Variants in FRMD1 observed in about 807,000 individuals in gnomAD.
FRMD1 encodes FERM domain containing 1, also known as FERM domain-containing protein 1.
FRMD1 carries 51 observed loss-of-function variants against 54.9 expected under a neutral mutation model. The observed-to-expected ratio is 0.93, with a 90% CI of 0.74 to 1.17. The LOEUF is 1.17. Ranked by LOEUF, FRMD1 falls within the 50% of genes most tolerant of loss-of-function variation. The pLI is 0.00. For missense variants in FRMD1, 729 were observed against 743.0 expected, an observed-to-expected ratio of 0.98 and a Z score of 0.22; for synonymous variants, 324 against 306.4, an observed-to-expected ratio of 1.06 and a Z score of -0.60.
At chr6:168,081,566 G>A, upstream of FRMD1, 1 of 1,455,908 alleles carries the variant, frequency 6.9e-7, no homozygotes, top group Non-Finnish European at 9.1e-7. Flanking sequence ...ATAGAGGCCT[G>A]CTGAGAACAT....
intron 1 of FRMD1, among the ~76,000 whole-genome samples, chr6:168,087,823 C>T (rs926749410): frequency 7.2e-5 from 11 of 152,200 alleles, no homozygotes; most frequent in African/African-American, 9.7e-5. Context: ...TCCCCAAGGA[C>T]GCTGACCTCA....
At position 168,079,136 on chromosome 6, in the gene FRMD1, G is replaced by T; in HGVS notation, c.-42C>A. 6.5e-7 allele frequency: 1 copy of T among 1,546,900 alleles called. No homozygotes were observed. The highest frequency in any genetic ancestry group is 8.7e-7 in the Non-Finnish European group (1 of 1,151,384). On this transcript the variant is annotated 5_prime_UTR_variant, in exon 1 of 11. Transcript: ENST00000283309. The stretch of plus-strand genomic sequence containing the variant: ...CCTCCCCCGCCATGGGTCGCAGGTG[G>T]GTGCTCAGCACCTCCCAGATCACAG...
chr6:168,062,813 CA>C (rs1799821111), intron 7 of FRMD1, 80 bp downstream of exon 7: 1 of 1,604,748 alleles, frequency 6.2e-7, no homozygotes. Flanking sequence ...GGATGCTACA[CA>C]GCCCAGACTC....
intron 2 of FRMD1, among the ~76,000 whole-genome samples, chr6:168,068,945 C>G (rs561952369): frequency 6.6e-6 from 1 of 152,242 alleles, no homozygotes; most frequent in Non-Finnish European, 1.5e-5. Context: ...GTACCTGGCT[C>G]TTCTAGACGG....
At chr6:168,081,219 C>G (rs59961338), upstream of FRMD1, 75,913 of 799,338 alleles carry the variant, frequency 0.095, 3,691 homozygotes, top group East Asian at 0.16. Context: ...CAAGGGTGGT[C>G]GCCATGAGTA....
At position 168,059,464 on chromosome 6, in the gene FRMD1, C is replaced by T. The variant is rs1799602102; in HGVS notation, c.1343-276G>A. Among the ~76,000 whole-genome samples, 1 of 152,206 alleles carries T rather than the reference C, an allele frequency of 6.6e-6. No individual in the cohort carries two copies. Among genetic ancestry groups the T allele is most frequent in the Admixed American group, 6.5e-5 (1 of 15,284 alleles). On this transcript the variant is annotated intron_variant, in intron 9 of 10. Coordinates refer to ENST00000283309, the MANE Select transcript of FRMD1 (RefSeq NM_024919.6). This position sits in a 1 kb window ranked among gnomAD's most constrained non-coding sequence, Gnocchi z 4.4. ...ATACATCCTCAGAGATGGAGGCCAA[C>T]CATCCCTTCCTGGTGGACCAGACAC...
In FRMD1 at chr6:168,061,874, G is replaced by C; in HGVS notation, c.978C>G (p.Ala326=). Residue 326 remains alanine (A), a synonymous_variant, in exon 8 of 11, where the codon GCC becomes GCG. Transcript: ENST00000283309. ...RSRHLLHLLR[A]SHQLHLRVRP... ...GCACGCGGAGGTGGAGCTGGTGGCT[G>C]GCGCGCAGCAGGTGCAGCAGGTGCC... 6.3e-7 allele frequency: 1 copy of C among 1,587,242 alleles called. No individual in the cohort carries two copies. The highest frequency in any genetic ancestry group is 8.6e-7 in the Non-Finnish European group (1 of 1,168,222).
rs1562398290 is a variant in FRMD1 at position 168,053,795 on chromosome 6, C to T, written c.*3302G>A. On this transcript the variant is annotated 3_prime_UTR_variant, in exon 11 of 11. Coordinates refer to ENST00000283309, the MANE Select transcript of FRMD1 (RefSeq NM_024919.6). ...GACGGGCTGATGCTCGGCTTGGGAACCACCTCTCCTGTGAGATCCCAGACA... is the reference window on the plus strand; with the variant it reads ...GACGGGCTGATGCTCGGCTTGGGAATCACCTCTCCTGTGAGATCCCAGACA... 6.6e-6 allele frequency: 1 copy of T among 152,292 alleles called. No homozygotes were observed. The highest frequency in any genetic ancestry group is 2.4e-5 in the African/African-American group (1 of 41,474). The allele number at this position is 152,292 out of a possible 1,614,324, so 9.4% of individuals were successfully genotyped here.
Position 168,063,144 on chromosome 6 carries a change from C to G in FRMD1, c.805-185G>C, listed in dbSNP as rs1031524485. On this transcript the variant is annotated intron_variant, in intron 6 of 10. Transcript: ENST00000283309. Reference sequence around the variant, plus strand: ...AAAGGCATAGTTGTCATAGCACAAGCACTGCCTTTCATCATGCCAGATAAA... The same window carrying G: ...AAAGGCATAGTTGTCATAGCACAAGGACTGCCTTTCATCATGCCAGATAAA... Among the ~76,000 whole-genome samples, 55 of 152,320 alleles carry G rather than the reference C, an allele frequency of 3.6e-4. 1 individual carries two copies. Among genetic ancestry groups the G allele is most frequent in the Middle Eastern group, 3.4e-3 (1 of 294 alleles).
upstream of FRMD1, among the ~76,000 whole-genome samples, chr6:168,084,331 G>A (rs148990454): frequency 0.017 from 2,526 of 152,344 alleles, 63 homozygotes; most frequent in Admixed American, 0.051. Flanking sequence ...TTAGCACTGC[G>A]CGTGTCGGAT....
At chr6:168,083,691 C>T (rs890956394), upstream of FRMD1, among the ~76,000 whole-genome samples, 6 of 152,128 alleles carry the variant, frequency 3.9e-5, no homozygotes, top group Admixed American at 2.6e-4. Flanking sequence ...GGAATGGGGC[C>T]GGCAGGGCTG....
At chr6:168,069,235 G>A (rs1023923098) in intron 2 of FRMD1, among the ~76,000 whole-genome samples, 1 of 152,358 alleles carries the variant, frequency 6.6e-6, no homozygotes, top group African/African-American at 2.4e-5. Context: ...AGAGCCAGGG[G>A]TTAGCAAACC....
At chr6:168,073,908 C>T (rs1240427079) in intron 2 of FRMD1, among the ~76,000 whole-genome samples, 1 of 152,082 alleles carries the variant, frequency 6.6e-6, no homozygotes, top group African/African-American at 2.4e-5. Flanking sequence ...GTCAGCTCAG[C>T]CCTGTCCTCC....
At chr6:168,086,166 AT>A (rs1800914563), upstream of FRMD1, among the ~76,000 whole-genome samples, 1 of 151,986 alleles carries the variant, frequency 6.6e-6, no homozygotes, top group African/African-American at 2.4e-5. Flanking sequence ...GATACCACCA[AT>A]GTCCCAGCAT....
rs115986075 is a variant in FRMD1 at position 168,062,036 on chromosome 6, C to T, written c.871-55G>A. 4.2e-4 allele frequency: 647 copies of T among 1,524,542 alleles called. 1 individual carries two copies. The African/African-American group carries it at 7.7e-3, about 18-fold the overall frequency. 94.4% of individuals were successfully genotyped at this position (1,524,542 alleles called of 1,614,324 possible). On this transcript the variant is annotated intron_variant, in intron 7 of 10. Coordinates refer to ENST00000283309, the MANE Select transcript of FRMD1 (RefSeq NM_024919.6). ...CACAGGTGGAAAACCACGCTAGCCA[C>T]AGGAAAGGATGATTTTAAATGTCAG...
intron 7 of FRMD1, 125 bp from the exon 8 acceptor site, chr6:168,062,106 G>A (rs1005195690): frequency 6.1e-6 from 6 of 975,814 alleles, no homozygotes; most frequent in Non-Finnish European, 9.1e-6. Flanking sequence ...ACTTCGCAGT[G>A]CAGATGGCTG....
At position 168,059,002 on chromosome 6, in the gene FRMD1, G is replaced by A. The variant is rs114674685; in HGVS notation, c.1407+122C>T. ...CCTGACTTGCCCGCTGCGTCTCTGG[G>A]GATGTCAGTCGAGGGACCCTCTGAT... On this transcript the variant is annotated intron_variant, in intron 10 of 10. Coordinates refer to ENST00000283309, the MANE Select transcript of FRMD1 (RefSeq NM_024919.6). This position sits in a 1 kb window ranked among gnomAD's most constrained non-coding sequence, Gnocchi z 4.4. The A allele has an allele frequency of 5.2e-3, 3,748 of 719,674 alleles. 59 individuals carry two copies. Among genetic ancestry groups the A allele is most frequent in the African/African-American group, 0.039 (2,205 of 56,534 alleles). 44.6% of individuals were successfully genotyped at this position (719,674 alleles called of 1,614,324 possible). A position where few individuals can be genotyped will look rare whatever the true frequency, so the allele number is the denominator to read the frequency against.
Position 168,059,155 on chromosome 6 carries a change from G to A in FRMD1, c.1376C>T (p.Thr459Ile), listed in dbSNP as rs778378097. The A allele has an allele frequency of 1.7e-4, 273 of 1,586,660 alleles. 1 individual carries two copies. In the Admixed American group the frequency reaches 4.7e-3, roughly 27 times the overall value. ...CACGGCCTCGGCGCTCTGGCCTCTGGTCCTGACCTGGGTGCAGGGCTCCTG... is the reference window on the plus strand; with the variant it reads ...CACGGCCTCGGCGCTCTGGCCTCTGATCCTGACCTGGGTGCAGGGCTCCTG... ...TRQEPCTQVR[T>I]RGQSAEAVHQ... The change falls in exon 10 of 11, where the codon ACC becomes ATC. Residue 459 changes from threonine to isoleucine, a missense_variant. Physicochemically the swap from Thr to Ile is moderately conservative, Grantham distance 89. Transcript: ENST00000283309. The surrounding 1 kb of genome is among the most constrained non-coding windows in gnomAD (Gnocchi z 4.4).
chr6:168,075,727 TC>T, intron 1 of FRMD1: 1 of 1,536,522 alleles, frequency 6.5e-7, no homozygotes, highest in Non-Finnish European at 8.8e-7. Flanking sequence ...AGCGCGAGCA[TC>T]GGTGTCTCAC....
Sources: gnomAD v4.1 joint callset for allele counts (sites outside exome capture counted in the v4.1 genomes callset) on GRCh38, gnomAD v4.1.1 for gene constraint, Gnocchi (gnomAD v3.1) non-coding constraint, MANE v1.5 for transcripts, NCBI Gene and HGNC (gene_info 2026-07-23, HGNC 2026-07-21) for gene names.